ADAM18: variants seen among roughly 807,000 people sequenced by gnomAD.
The protein encoded by ADAM18 is disintegrin and metalloproteinase domain-containing protein 18.
ADAM18 carries 117 observed loss-of-function variants against 94.4 expected under a neutral mutation model. The ratio of observed to expected loss-of-function variants is 1.24; its 90% CI spans 1.07 to 1.45. The LOEUF is 1.45. Ranked by LOEUF, ADAM18 falls within the 40% of genes most tolerant of loss-of-function variation. The pLI is 0.00. For missense variants in ADAM18, 936 were observed against 880.0 expected, an observed-to-expected ratio of 1.06 and a Z score of -0.81; for synonymous variants, 327 against 291.6, an observed-to-expected ratio of 1.12 and a Z score of -1.24.
chr8:39,606,806 G>A (rs925606055), intron 3 of ADAM18, among the ~76,000 whole-genome samples: 1 of 152,050 alleles, frequency 6.6e-6, no homozygotes, highest in African/African-American at 2.4e-5. Context: ...GATAGGGGTG[G>A]GGATTATAGG....
rs1039525420 is a variant in ADAM18 at position 39,594,074 on chromosome 8, T to A, written c.132+8722T>A. On this transcript the variant is annotated intron_variant, in intron 2 of 19. Transcript: ENST00000265707. ...TTTTATTTTCTTTTTCATGCTTATG[T>A]ATAAATTACCAGAATAACATAGTTT... 3.7e-4 allele frequency among the ~76,000 whole-genome samples: 56 copies of A among 152,152 alleles called. 2 individuals are homozygous for A.
chr8:39,622,845 T>C (rs1819652669), intron 6 of ADAM18, among the ~76,000 whole-genome samples: 1 of 152,120 alleles, frequency 6.6e-6, no homozygotes, highest in African/African-American at 2.4e-5. Flanking sequence ...GACTTTCTAG[T>C]TTTCCAGGTT....
At chr8:39,601,786 T>C (rs56776418) in intron 2 of ADAM18, among the ~76,000 whole-genome samples, 36,713 of 152,148 alleles carry the variant, frequency 0.24, 4,704 homozygotes, top group East Asian at 0.48. Context: ...TTTTTTTATA[T>C]TGGAAAACTG....
At chr8:39,668,246 G>A (rs561716407) in intron 14 of ADAM18, 50 bp downstream of exon 14, 8 of 1,550,976 alleles carry the variant, frequency 5.2e-6, no homozygotes, top group Admixed American at 1.7e-5. Context: ...GCATCTCTCT[G>A]TAGAGTACAT....
intron 6 of ADAM18, among the ~76,000 whole-genome samples, chr8:39,622,324 T>C (rs1819639133): frequency 6.7e-6 from 1 of 149,604 alleles, no homozygotes; most frequent in African/African-American, 2.4e-5. Context: ...ACATAATACA[T>C]ATATATAATG....
At chr8:39,616,975 A>G (rs941166927) in intron 6 of ADAM18, among the ~76,000 whole-genome samples, 1 of 152,212 alleles carries the variant, frequency 6.6e-6, no homozygotes, top group African/African-American at 2.4e-5. Context: ...TTTATGATGA[A>G]GATACCAAAA....
At chr8:39,713,559 T>A (rs185563389) in intron 18 of ADAM18, among the ~76,000 whole-genome samples, 1 of 152,084 alleles carries the variant, frequency 6.6e-6, no homozygotes, top group East Asian at 1.9e-4. Flanking sequence ...AGTGCTAATA[T>A]CCAGAATCTA....
At chr8:39,594,425 G>A (rs1818674783) in intron 2 of ADAM18, among the ~76,000 whole-genome samples, 2 of 151,846 alleles carry the variant, frequency 1.3e-5, no homozygotes, top group African/African-American at 4.8e-5. Context: ...GTTCATTCTG[G>A]GTGTTTCAAT....
chr8:39,685,723 G>A (rs975273946), intron 16 of ADAM18, among the ~76,000 whole-genome samples: 7 of 152,016 alleles, frequency 4.6e-5, no homozygotes, highest in Admixed American at 1.3e-4. Flanking sequence ...TATAAATTCC[G>A]TGTTTAATAT....
intron 14 of ADAM18, among the ~76,000 whole-genome samples, chr8:39,672,084 T>C (rs539324548): frequency 1.3e-5 from 2 of 152,128 alleles, no homozygotes; most frequent in Non-Finnish European, 2.9e-5. Flanking sequence ...AAAAGATTAC[T>C]CGCCCTAAGT....
intron 6 of ADAM18, among the ~76,000 whole-genome samples, chr8:39,626,815 T>A (rs1430523361): frequency 6.6e-6 from 1 of 152,174 alleles, no homozygotes; most frequent in Non-Finnish European, 1.5e-5. Flanking sequence ...ACTTATTTTG[T>A]GGCCTATCAT....
rs563953160 is a variant in ADAM18 at position 39,584,730 on chromosome 8, C to A, written c.55+53C>A. 1.4e-5 allele frequency: 22 copies of A among 1,587,030 alleles called. No homozygotes were observed. In the East Asian group the frequency reaches 4.9e-4, roughly 35 times the overall value. On this transcript the variant is annotated intron_variant, in intron 1 of 19. Transcript: ENST00000265707. ...TCTTCGACTTTATAGCTGGGCTGGG[C>A]TCTTACTGGGAGCAGTTTCTTGTCA...
chr8:39,604,479 A>T (rs1200886593), intron 2 of ADAM18: 2 of 152,060 alleles, frequency 1.3e-5, no homozygotes, highest in African/African-American at 4.8e-5. Flanking sequence ...GTTGGAGGTG[A>T]GGTCTGGTGA....
chr8:39,689,351 G>T (rs970829172), intron 16 of ADAM18, among the ~76,000 whole-genome samples: 1 of 152,116 alleles, frequency 6.6e-6, no homozygotes, highest in Non-Finnish European at 1.5e-5. Context: ...TCTTTAATCT[G>T]TCTTAAGTTA....
At position 39,637,648 on chromosome 8, in the gene ADAM18, G is replaced by T. The variant is rs761869049; in HGVS notation, c.772G>T (p.Ala258Ser). 3 of 1,612,524 alleles carry T rather than the reference G, an allele frequency of 1.9e-6. No individual in the cohort carries two copies. The highest frequency in any genetic ancestry group is 1.7e-6 in the Non-Finnish European group (2 of 1,179,150). ...TGATGATATATTACAAAGATTTTTG[G>T]CATGGAAACGGGACTATCTCATCCT... is the stretch of plus-strand genomic sequence containing the variant. Reference protein sequence around the residue: ...DADDILQRFLAWKRDYLILRP... With the variant: ...DADDILQRFLSWKRDYLILRP... Residue 258 changes from alanine to serine, a missense_variant, in exon 9 of 20, where the codon GCA (alanine) becomes TCA (serine). Physicochemically the swap from Ala to Ser is moderately conservative, Grantham distance 99. Coordinates refer to ENST00000265707, the MANE Select transcript of ADAM18 (RefSeq NM_014237.3).
chr8:39,634,406 A>G (rs544442327), intron 7 of ADAM18, among the ~76,000 whole-genome samples: 1 of 152,244 alleles, frequency 6.6e-6, no homozygotes, highest in East Asian at 1.9e-4. Flanking sequence ...CCAGGAAGGA[A>G]CACCTGGGAA....
At chr8:39,594,065 A>G (rs1480767616) in intron 2 of ADAM18, among the ~76,000 whole-genome samples, 1 of 151,912 alleles carries the variant, frequency 6.6e-6, no homozygotes, top group African/African-American at 2.4e-5. Context: ...TTTCTTTTTC[A>G]TGCTTATGTA....
chr8:39,624,796 C>A (rs1325178652), intron 6 of ADAM18, among the ~76,000 whole-genome samples: 1 of 152,100 alleles, frequency 6.6e-6, no homozygotes, highest in Non-Finnish European at 1.5e-5. Context: ...TGTGTAGCAC[C>A]TCCCCTGCTC....
intron 19 of ADAM18, among the ~76,000 whole-genome samples, chr8:39,725,093 C>G (rs941630004): frequency 2.0e-5 from 3 of 151,912 alleles, no homozygotes; most frequent in African/African-American, 7.2e-5. Flanking sequence ...ACAGGTAGGT[C>G]AAGGTGGTTG....
Sources: gnomAD v4.1 joint callset for allele counts (sites outside exome capture counted in the v4.1 genomes callset) on GRCh38, gnomAD v4.1.1 for gene constraint, MANE v1.5 for transcripts, NCBI Gene and HGNC (gene_info 2026-07-23, HGNC 2026-07-21) for gene names.